The following SGCD variants were observed in gnomAD, a reference collection of about 807,000 sequenced individuals.
SGCD encodes sarcoglycan delta, also known as delta-sarcoglycan.
A neutral mutation model predicts 36.6 loss-of-function variants in SGCD; 18 were observed. The observed-to-expected ratio is 0.49, with a 90% CI of 0.34 to 0.73. The LOEUF (loss-of-function observed/expected upper bound fraction) is 0.73, where lower values mean the gene tolerates loss of function less well. SGCD is among the 30% of genes least tolerant of loss of function. The pLI, the probability that SGCD is intolerant of heterozygous loss-of-function variation, is 0.01. For synonymous variants in SGCD, 133 were observed against 130.6 expected (o/e 1.02, Z -0.12); for missense variants, 387 against 346.7 (o/e 1.12, Z -0.92).
At chr5:155,949,000 A>C (rs1176386659) in intron 1 of SGCD, among the ~76,000 whole-genome samples, 2 of 152,206 alleles carry the variant, frequency 1.3e-5, no homozygotes, top group Non-Finnish European at 2.9e-5. Context: ...CTCTGCAAAA[A>C]AAATTCATTT....
intron 3 of SGCD, among the ~76,000 whole-genome samples, chr5:156,425,825 A>G (rs1032570763): frequency 2.6e-5 from 4 of 151,974 alleles, no homozygotes; most frequent in African/African-American, 9.7e-5. Context: ...CTTTTCTATT[A>G]TTGAATTACT....
At chr5:155,841,010 CA>C in the SGCD span, among the ~76,000 whole-genome samples, 24 of 61,074 alleles carry the variant, frequency 3.9e-4, no homozygotes, top group Middle Eastern at 0.011. Context: ...GACTCCATCT[CA>C]AAAAAAAAAA....
At chr5:156,375,392 C>G (rs971284498) in intron 3 of SGCD, among the ~76,000 whole-genome samples, 1 of 136,182 alleles carries the variant, frequency 7.3e-6, no homozygotes, top group South Asian at 2.4e-4. Context: ...ATATCCTTCA[C>G]AGCTTTTTTT....
chr5:156,759,147 T>C, intron 8 of SGCD, 70 bp from the exon 9 acceptor site: 2 of 1,169,340 alleles, frequency 1.7e-6, no homozygotes, highest in Non-Finnish European at 2.6e-6. Context: ...ATTCACTTGC[T>C]GTTTCTGAAT....
At chr5:156,084,200 A>C (rs908413225) in intron 1 of SGCD, among the ~76,000 whole-genome samples, 1 of 152,218 alleles carries the variant, frequency 6.6e-6, no homozygotes, top group Non-Finnish European at 1.5e-5. Context: ...TGACACATTT[A>C]TTATGATAAA....
intron 4 of SGCD, among the ~76,000 whole-genome samples, chr5:156,511,385 T>C (rs1257750788): frequency 6.6e-6 from 1 of 152,210 alleles, no homozygotes; most frequent in Non-Finnish European, 1.5e-5. Flanking sequence ...ATTGCAACAG[T>C]CTCTTCGCTG....
chr5:156,300,363 C>G (rs1192336872), intron 3 of SGCD, among the ~76,000 whole-genome samples: 1 of 151,938 alleles, frequency 6.6e-6, no homozygotes, highest in African/African-American at 2.4e-5. Context: ...CCTCTATAAT[C>G]TCTTCATTGA....
chr5:156,574,570 G>A (rs1759848088), intron 4 of SGCD, among the ~76,000 whole-genome samples: 1 of 152,086 alleles, frequency 6.6e-6, no homozygotes, highest in Non-Finnish European at 1.5e-5. Flanking sequence ...AACCACAACA[G>A]CACACCACAA....
the SGCD span, among the ~76,000 whole-genome samples, chr5:155,849,502 C>A: frequency 6.6e-6 from 1 of 151,818 alleles, no homozygotes; most frequent in Non-Finnish European, 1.5e-5. Flanking sequence ...GAATAATTTG[C>A]AAAAATACAT....
chr5:155,831,374 T>A, the SGCD span, among the ~76,000 whole-genome samples: 1 of 152,190 alleles, frequency 6.6e-6, no homozygotes, highest in African/African-American at 2.4e-5. Context: ...AGGGGGAGAT[T>A]TACCATTGTT....
chr5:156,348,558 T>C (rs939646569), intron 3 of SGCD, among the ~76,000 whole-genome samples: 6 of 152,024 alleles, frequency 3.9e-5, no homozygotes, highest in African/African-American at 1.4e-4. Context: ...AGGTAAAAGA[T>C]CTCTACAAGG....
intron 4 of SGCD, among the ~76,000 whole-genome samples, chr5:156,574,802 C>T (rs963225810): frequency 3.9e-5 from 6 of 152,198 alleles, no homozygotes; most frequent in South Asian, 2.1e-4. Flanking sequence ...TCAACTTGCA[C>T]TTCTCCCTGA....
At chr5:155,806,078 C>T in the SGCD span, among the ~76,000 whole-genome samples, 1 of 152,180 alleles carries the variant, frequency 6.6e-6, no homozygotes, top group South Asian at 2.1e-4. Context: ...CTGACAAAGA[C>T]ATTCTTAGAA....
rs1758096365 is a variant in SGCD at position 155,975,609 on chromosome 5, C to CCTT, written c.-282+105185_-282+105186insCTT. Among the ~76,000 whole-genome samples the CCTT allele has an allele frequency of 5.5e-3, 154 of 28,018 alleles. 10 individuals carry two copies. The highest frequency in any genetic ancestry group is 6.0e-3 in the Non-Finnish European group (88 of 14,592). The allele number at this position is 28,018 out of a possible 152,430, so 18.4% of individuals were successfully genotyped here. A position where few individuals can be genotyped will look rare whatever the true frequency, so the allele number is the denominator to read the frequency against. On this transcript the variant is annotated intron_variant, in intron 1 of 9. Coordinates refer to the SGCD transcript ENST00000517913. ...TGTGTTATTTATTTTTCTTTCTTTCCTTTTTTTTTTTTTTTTTTTTTTTTT... is the reference window on the plus strand; with the variant it reads ...TGTGTTATTTATTTTTCTTTCTTTCCCTTTTTTTTTTTTTTTTTTTTTTTTTTT...
At chr5:156,320,799 G>A (rs1312088833) in intron 3 of SGCD, among the ~76,000 whole-genome samples, 1 of 152,166 alleles carries the variant, frequency 6.6e-6, no homozygotes, top group African/African-American at 2.4e-5. Flanking sequence ...TTGTCACTGA[G>A]CCAAACTTCC....
At chr5:156,195,095 T>C (rs556685118) in intron 3 of SGCD, among the ~76,000 whole-genome samples, 1 of 152,326 alleles carries the variant, frequency 6.6e-6, no homozygotes, top group South Asian at 2.1e-4. Flanking sequence ...TTTATTTCTC[T>C]AACAATGATT....
At chr5:156,070,330 T>G (rs1240022201) in intron 1 of SGCD, among the ~76,000 whole-genome samples, 1 of 152,120 alleles carries the variant, frequency 6.6e-6, no homozygotes, top group African/African-American at 2.4e-5. Flanking sequence ...ATTGAGAGTT[T>G]TTAGCATGAA....
chr5:156,129,746 T>A (rs186544333), intron 3 of SGCD, among the ~76,000 whole-genome samples: 3 of 152,358 alleles, frequency 2.0e-5, no homozygotes, highest in African/African-American at 7.2e-5. Context: ...AGGTATTTGG[T>A]TTTCTGTTCC....
Position 156,713,532 on chromosome 5 carries a change from G to A in SGCD, c.576-44049G>A, listed in dbSNP as rs1291109512. Among the ~76,000 whole-genome samples, 5 of 152,102 alleles carry A rather than the reference G, an allele frequency of 3.3e-5. No homozygotes were observed. In the East Asian group the frequency reaches 7.7e-4, roughly 23 times the overall value. ...GAACAGACAGGAGCTTGTGGTAAAC[G>A]CTTCTCTGTCAGAACCTTATATTGT... is the stretch of plus-strand genomic sequence containing the variant. On this transcript the variant is annotated intron_variant, in intron 7 of 8. Transcript: ENST00000337851.
Sources: allele counts gnomAD v4.1 joint callset (sites outside exome capture counted in the v4.1 genomes callset), GRCh38; gene constraint gnomAD v4.1.1; transcripts MANE v1.5; gene names NCBI Gene and HGNC (gene_info 2026-07-23, HGNC 2026-07-21).